PDHX: variants seen among roughly 807,000 people sequenced by gnomAD.
PDHX encodes the protein pyruvate dehydrogenase protein X component, mitochondrial.
PDHX carries 33 observed loss-of-function variants against 55.3 expected under a neutral mutation model. The observed-to-expected ratio is 0.60, with a 90% CI of 0.45 to 0.80. The LOEUF is 0.80. Among genes scored for constraint, PDHX ranks in the 30% least tolerant of loss-of-function variants. The pLI is 0.00. For synonymous variants in PDHX, 226 were observed against 219.4 expected (o/e 1.03, Z -0.27); for missense variants, 622 against 619.9 (o/e 1.00, Z -0.04).
At chr11:34,937,604 A>G (rs775931635) in intron 2 of PDHX, among the ~76,000 whole-genome samples, 3 of 152,182 alleles carry the variant, frequency 2.0e-5, no homozygotes, top group South Asian at 4.1e-4. Flanking sequence ...TTCAGGAGTG[A>G]AGTCTGACTT....
Position 34,947,584 on chromosome 11 carries a change from A to G in PDHX, c.320A>G (p.Asp107Gly). 9 of 1,611,594 alleles carry G rather than the reference A, an allele frequency of 5.6e-6. No individual in the cohort carries two copies. Among genetic ancestry groups the G allele is most frequent in the Non-Finnish European group, 7.6e-6 (9 of 1,177,744 alleles). ...GTGGTTACCTTAGATGCAAGTGATG[A>G]TGGAATCTTGGCCAAAATCGTGGTA... ...KAVVTLDASD[D>G]GILAKIVVEE... is the part of the protein sequence containing the mutation. Residue 107 changes from aspartate (D) to glycine (G), a missense_variant, in exon 3 of 11, where the codon GAT becomes GGT. Coordinates refer to ENST00000227868, the MANE Select transcript of PDHX (RefSeq NM_003477.3).
intron 3 of PDHX, among the ~76,000 whole-genome samples, chr11:34,952,313 A>C (rs1229267967): frequency 6.6e-6 from 1 of 152,086 alleles, no homozygotes; most frequent in East Asian, 1.9e-4. Flanking sequence ...CAATAGAAAA[A>C]GAGGGAATCC....
In PDHX at chr11:34,994,988, C is replaced by T. The variant is rs750513249; in HGVS notation, c.1322C>T (p.Ala441Val). The T allele has an allele frequency of 8.0e-5, 129 of 1,613,810 alleles. No homozygotes were observed. The highest frequency in any genetic ancestry group is 1.4e-4 in the South Asian group (13 of 91,086). The change falls in exon 11 of 11, where the codon GCG becomes GTG. Residue 441 changes from alanine to valine, a missense_variant. Transcript: ENST00000227868. Reference protein sequence around the residue: ...VINPPQACILAVGRFRPVLKL... With the variant: ...VINPPQACILVVGRFRPVLKL... ...AACCCTCCTCAGGCCTGCATTTTGG[C>T]GGTTGGGAGGTTCCGACCTGTGCTG...
At chr11:34,961,645 A>C (rs1187580932) in intron 5 of PDHX, among the ~76,000 whole-genome samples, 1 of 152,192 alleles carries the variant, frequency 6.6e-6, no homozygotes, top group African/African-American at 2.4e-5. Context: ...GCTTTGGCTT[A>C]CTGTTGGGTG....
intron 8 of PDHX, among the ~76,000 whole-genome samples, chr11:34,982,320 C>T (rs1030670346): frequency 1.1e-4 from 16 of 151,510 alleles, no homozygotes; most frequent in African/African-American, 3.9e-4. Flanking sequence ...GTAGATATGC[C>T]GCATTATTAA....
At chr11:34,944,421 C>A (rs1397385648) in intron 2 of PDHX, among the ~76,000 whole-genome samples, 1 of 152,062 alleles carries the variant, frequency 6.6e-6, no homozygotes, top group African/African-American at 2.4e-5. Context: ...CGCCTGGCCA[C>A]CCCAATACAT....
rs79382379 is a variant in PDHX, at chr11:34,928,179, G to A, written c.161-3225G>A. 8.0e-3 allele frequency among the ~76,000 whole-genome samples: 1,222 copies of A among 152,110 alleles called. 19 individuals carry two copies. The highest frequency in any genetic ancestry group is 0.028 in the African/African-American group (1,174 of 41,504). On this transcript the variant is annotated intron_variant, in intron 1 of 10. Transcript: ENST00000227868. ...ACTGGAACCAAAGCATACAAATATT[G>A]GAGAGAGACTTTAAGAGAATTAAGT...
chr11:34,978,996 G>C (rs1463649928), intron 8 of PDHX, among the ~76,000 whole-genome samples: 1 of 152,156 alleles, frequency 6.6e-6, no homozygotes, highest in Non-Finnish European at 1.5e-5. Context: ...GAGACGATGA[G>C]CTCCCCTGGG....
At chr11:34,946,860 T>C (rs114628637) in intron 2 of PDHX, among the ~76,000 whole-genome samples, 3 of 152,218 alleles carry the variant, frequency 2.0e-5, no homozygotes, top group African/African-American at 7.2e-5. Flanking sequence ...GAAACTGTTG[T>C]ACCTCTTTTC....
chr11:34,939,468 GGTGTGTGT>G (rs68165754), intron 2 of PDHX, among the ~76,000 whole-genome samples: 5,332 of 149,128 alleles, frequency 0.036, 238 homozygotes, highest in African/African-American at 0.11. Flanking sequence ...TTTTACTAAT[GGTGTGTGT>G]GTGTGTGTGT....
At position 34,995,335 on chromosome 11, in the gene PDHX, T is replaced by A; in HGVS notation, c.*163T>A. The A allele has an allele frequency of 1.4e-6, 1 of 701,270 alleles. No homozygotes were observed. The highest frequency in any genetic ancestry group is 2.4e-6 in the Non-Finnish European group (1 of 408,528). The allele number at this position is 701,270 out of a possible 1,614,324, so 43.4% of individuals were successfully genotyped here. A position where few individuals can be genotyped will look rare whatever the true frequency, so the allele number is the denominator to read the frequency against. ...ACCCAGGGTGTCTTCATCTTCAATT[T>A]GGGTTTAATGTTATAGAAATAAATG... On this transcript the variant is annotated 3_prime_UTR_variant, in exon 11 of 11. Transcript: ENST00000227868.
intron 4 of PDHX, 130 bp from the exon 5 acceptor site, chr11:34,960,280 ACTGTGACCAT>A: frequency 3.2e-6 from 2 of 630,990 alleles, no homozygotes; most frequent in Non-Finnish European, 5.8e-6. Flanking sequence ...AGATTATTTG[ACTGTGACCAT>A]CTGTGGGAGT....
rs139931197 is a variant in PDHX at position 34,958,240 on chromosome 11, A to G, written c.542+657A>G. 8.2e-3 allele frequency among the ~76,000 whole-genome samples: 1,247 copies of G among 152,300 alleles called. 8 individuals carry two copies. The highest frequency in any genetic ancestry group is 0.014 in the Non-Finnish European group (927 of 68,030). On this transcript the variant is annotated intron_variant, in intron 4 of 10. Transcript: ENST00000227868. ...TCATAAAGTAGACCTCTTCATTCTT[A>G]AACATTTTTTCCTTTAGTTTATCAT...
chr11:34,921,029 G>A (rs17433496), intron 1 of PDHX, among the ~76,000 whole-genome samples: 33,816 of 152,040 alleles, frequency 0.22, 4,926 homozygotes, highest in Non-Finnish European at 0.34. Flanking sequence ...GCCAAAACAC[G>A]GATACTCTTT....
chr11:34,916,969 C>T (rs1445115264), intron 1 of PDHX, among the ~76,000 whole-genome samples, 154 bp downstream of exon 1: 1 of 152,046 alleles, frequency 6.6e-6, no homozygotes, highest in African/African-American at 2.4e-5. Flanking sequence ...CCGACTTGGC[C>T]TAATGCATGC....
intron 1 of PDHX, among the ~76,000 whole-genome samples, chr11:34,922,446 T>A (rs1415444933): frequency 6.6e-6 from 1 of 152,320 alleles, no homozygotes; most frequent in Middle Eastern, 3.4e-3. Flanking sequence ...TAGTTCAGGT[T>A]TCAACCCAGA....
At chr11:34,926,103 C>T (rs1854013331) in intron 1 of PDHX, among the ~76,000 whole-genome samples, 1 of 152,172 alleles carries the variant, frequency 6.6e-6, no homozygotes, top group South Asian at 2.1e-4. Context: ...TCTATTTTTA[C>T]TCCAGTACCA....
intron 4 of PDHX, among the ~76,000 whole-genome samples, chr11:34,960,032 G>A (rs1015267409): frequency 2.0e-5 from 3 of 152,156 alleles, no homozygotes; most frequent in Non-Finnish European, 1.5e-5. Flanking sequence ...ACCTAAAAAT[G>A]CTTAAAATGA....
chr11:34,916,145 T>C (rs1853679704), upstream of PDHX: 2 of 1,533,018 alleles, frequency 1.3e-6, no homozygotes, highest in East Asian at 2.4e-5. Flanking sequence ...CCCGGCCCGC[T>C]ACCCTGCGCC....
Sources: gnomAD v4.1 joint callset for allele counts (sites outside exome capture counted in the v4.1 genomes callset) on GRCh38, gnomAD v4.1.1 for gene constraint, MANE v1.5 for transcripts, NCBI Gene and HGNC (gene_info 2026-07-23, HGNC 2026-07-21) for gene names.